Variants in FRAS1 observed in about 807,000 individuals in gnomAD.
FRAS1 encodes the protein Fraser extracellular matrix complex subunit 1.
FRAS1 carries 290 observed loss-of-function variants against 435.2 expected under a neutral mutation model. The ratio of observed to expected loss-of-function variants is 0.67; its 90% CI spans 0.61 to 0.73. The LOEUF (loss-of-function observed/expected upper bound fraction) is 0.73, where lower values mean the gene tolerates loss of function less well. Among genes scored for constraint, FRAS1 ranks in the 30% least tolerant of loss-of-function variants. The pLI is 0.00. For missense variants in FRAS1, 4,860 were observed against 5,001.5 expected, an observed-to-expected ratio of 0.97 and a Z score of 0.85; for synonymous variants, 1,800 against 1,851.0, an observed-to-expected ratio of 0.97 and a Z score of 0.71.
intron 52 of FRAS1, 81 bp from the exon 53 acceptor site, chr4:78,473,357 A>C: frequency 8.8e-7 from 1 of 1,142,178 alleles, no homozygotes; most frequent in Non-Finnish European, 1.3e-6. Context: ...TAGAAGAATA[A>C]ACTAGGTTTG....
chr4:78,116,022 A>G (rs1207538923), intron 2 of FRAS1, among the ~76,000 whole-genome samples: 9 of 152,134 alleles, frequency 5.9e-5, no homozygotes, highest in Admixed American at 5.9e-4. Context: ...AGATTCTGGT[A>G]TGTTGTGTCT....
At chr4:78,372,685 A>G in intron 23 of FRAS1, 33 bp from the exon 24 acceptor site, 1 of 1,610,370 alleles carries the variant, frequency 6.2e-7, no homozygotes, top group Non-Finnish European at 8.5e-7. Flanking sequence ...GTGGACAGAA[A>G]GGAAGATAAT....
intron 57 of FRAS1, 26 bp from the exon 58 acceptor site, chr4:78,482,362 C>G: frequency 6.2e-7 from 1 of 1,613,592 alleles, no homozygotes; most frequent in African/African-American, 1.3e-5. Context: ...GGTCCTCTGT[C>G]AAGTTTGCTT....
chr4:78,278,888 A>G, intron 10 of FRAS1, 144 bp downstream of exon 10: 1 of 610,046 alleles, frequency 1.6e-6, no homozygotes, highest in Non-Finnish European at 2.9e-6. Context: ...GGCTCTGGGG[A>G]CACAGAAGGG....
intron 2 of FRAS1, among the ~76,000 whole-genome samples, chr4:78,214,239 A>G (rs774190670): frequency 6.6e-5 from 10 of 152,192 alleles, no homozygotes; most frequent in Non-Finnish European, 1.2e-4. Context: ...GTTATGTTCT[A>G]TCTGTCATAA....
intron 2 of FRAS1, among the ~76,000 whole-genome samples, chr4:78,153,203 C>G (rs1327811543): frequency 1.3e-5 from 2 of 152,074 alleles, no homozygotes. Context: ...CTTCATTCCC[C>G]CCACCCCTCA....
intron 9 of FRAS1, among the ~76,000 whole-genome samples, chr4:78,273,048 C>G (rs960077940): frequency 6.6e-6 from 1 of 152,082 alleles, no homozygotes; most frequent in Non-Finnish European, 1.5e-5. Flanking sequence ...AAGTTGGATT[C>G]CTAGGTATTT....
intron 70 of FRAS1, among the ~76,000 whole-genome samples, chr4:78,530,334 A>G (rs1254177257): frequency 2.6e-5 from 4 of 152,034 alleles, no homozygotes; most frequent in Admixed American, 2.0e-4. Context: ...GTTGCTGAGG[A>G]TACTGAGGCT....
chr4:78,244,498 C>T (rs1303557525), intron 3 of FRAS1, among the ~76,000 whole-genome samples: 1 of 152,076 alleles, frequency 6.6e-6, no homozygotes, highest in Non-Finnish European at 1.5e-5. Flanking sequence ...CAAAGACAAG[C>T]TAATGCTCTT....
At chr4:78,198,712 C>A (rs1722925177) in intron 2 of FRAS1, among the ~76,000 whole-genome samples, 1 of 152,162 alleles carries the variant, frequency 6.6e-6, no homozygotes, top group Non-Finnish European at 1.5e-5. Flanking sequence ...ACCCCTGAGA[C>A]AACAAGGCCA....
At chr4:78,222,007 G>T (rs570354053) in intron 2 of FRAS1, among the ~76,000 whole-genome samples, 2 of 152,272 alleles carry the variant, frequency 1.3e-5, no homozygotes, top group Admixed American at 1.3e-4. Context: ...TGTTAACAGT[G>T]GGTGTCATTA....
At chr4:78,206,730 G>A (rs571818360) in intron 2 of FRAS1, among the ~76,000 whole-genome samples, 22 of 152,224 alleles carry the variant, frequency 1.4e-4, no homozygotes, top group Admixed American at 1.4e-3. Context: ...AAAAATTGTG[G>A]CATTCAGGGG....
chr4:78,373,899 G>A (rs1484818296), intron 24 of FRAS1, among the ~76,000 whole-genome samples: 1 of 152,126 alleles, frequency 6.6e-6, no homozygotes, highest in East Asian at 1.9e-4. Flanking sequence ...GAAGAACACA[G>A]GCTCAGTGAG....
rs147408053 is a variant in FRAS1 at position 78,422,414 on chromosome 4, G to A, written c.4678+414G>A. ...CTGAGGAAGAGGGAGAAAGATTAGC[G>A]GTGGAATTACACATAATCAGACTGA... On this transcript the variant is annotated intron_variant, in intron 34 of 73. Coordinates refer to ENST00000512123, the MANE Select transcript of FRAS1 (RefSeq NM_025074.7). Among the ~76,000 whole-genome samples the A allele has an allele frequency of 3.9e-3, 591 of 152,164 alleles. 1 individual carries two copies. Among genetic ancestry groups the A allele is most frequent in the Non-Finnish European group, 6.9e-3 (471 of 68,004 alleles).
At chr4:78,273,641 A>G (rs571042397) in intron 9 of FRAS1, among the ~76,000 whole-genome samples, 4 of 152,074 alleles carry the variant, frequency 2.6e-5, no homozygotes, top group African/African-American at 4.8e-5. Flanking sequence ...TGTTGAACCA[A>G]CCTTGCATCC....
At chr4:78,117,263 C>G (rs534251238) in intron 2 of FRAS1, among the ~76,000 whole-genome samples, 21 of 152,316 alleles carry the variant, frequency 1.4e-4, no homozygotes, top group African/African-American at 4.1e-4. Flanking sequence ...CTGCCCTTAA[C>G]ATTTTTTCCT....
intron 2 of FRAS1, among the ~76,000 whole-genome samples, chr4:78,155,230 T>A (rs1340527825): frequency 6.6e-6 from 1 of 152,190 alleles, no homozygotes; most frequent in Non-Finnish European, 1.5e-5. Context: ...CACCCTAAGA[T>A]GATATGTTAT....
intron 6 of FRAS1, among the ~76,000 whole-genome samples, chr4:78,259,764 A>G (rs953014955): frequency 1.2e-4 from 17 of 147,462 alleles, no homozygotes; most frequent in South Asian, 4.5e-4. Flanking sequence ...TTAGTGTTTT[A>G]GACATGAAGT....
intron 2 of FRAS1, among the ~76,000 whole-genome samples, chr4:78,095,116 T>C (rs1741729099): frequency 6.6e-6 from 1 of 152,212 alleles, no homozygotes; most frequent in South Asian, 2.1e-4. Flanking sequence ...AAATAAATGC[T>C]TAAAACTTGT....
Sources: allele counts gnomAD v4.1 joint callset (sites outside exome capture counted in the v4.1 genomes callset), GRCh38; gene constraint gnomAD v4.1.1; transcripts MANE v1.5; gene names NCBI Gene and HGNC (gene_info 2026-07-23, HGNC 2026-07-21).